The following MCTP2 variants were observed in gnomAD, a reference collection of about 807,000 sequenced individuals.
MCTP2 encodes multiple C2 and transmembrane domain containing 2, also known as multiple C2 and transmembrane domain-containing protein 2.
Under a neutral mutation model 111.6 loss-of-function variants are expected in MCTP2, and 132 were observed. That is an observed-to-expected ratio of 1.18 (90% CI 1.03 to 1.37). MCTP2 has a LOEUF of 1.37. Among genes scored for constraint, MCTP2 ranks in the 40% most tolerant of loss-of-function variants. MCTP2 has a pLI of 0.00. For missense variants in MCTP2, 1,183 were observed against 1,067.9 expected (o/e 1.11, Z -1.50); for synonymous variants, 395 against 387.7 (o/e 1.02, Z -0.22).
chr15:94,270,666 C>T (rs879570458), intron 1 of MCTP2, among the ~76,000 whole-genome samples: 1 of 152,178 alleles, frequency 6.6e-6, no homozygotes, highest in Non-Finnish European at 1.5e-5. Context: ...CTTGCTCTTT[C>T]TGCTATGTGA....
At chr15:94,390,098 A>ATATATATG (rs1567603090) in intron 14 of MCTP2, among the ~76,000 whole-genome samples, 15 of 34,394 alleles carry the variant, frequency 4.4e-4, no homozygotes, top group African/African-American at 1.8e-3. Flanking sequence ...ATGTATATAT[A>ATATATATG]TATATATATA....
intron 8 of MCTP2, among the ~76,000 whole-genome samples, chr15:94,352,886 A>C (rs1213567016): frequency 6.6e-6 from 1 of 152,228 alleles, no homozygotes; most frequent in African/African-American, 2.4e-5. Context: ...GGCCTCATCA[A>C]ACCTATCAAG....
chr15:94,461,422 C>T (rs2085199232), intron 20 of MCTP2, among the ~76,000 whole-genome samples: 1 of 152,106 alleles, frequency 6.6e-6, no homozygotes, highest in Non-Finnish European at 1.5e-5. Context: ...ATGGCACCAC[C>T]ACACTACAGC....
chr15:94,271,569 G>A (rs755807957), intron 1 of MCTP2, among the ~76,000 whole-genome samples: 29 of 152,146 alleles, frequency 1.9e-4, no homozygotes, highest in Non-Finnish European at 3.8e-4. Context: ...AGGAGCTGGG[G>A]ACATGCTTTG....
chr15:94,369,023 G>T (rs1422645457), intron 11 of MCTP2, among the ~76,000 whole-genome samples: 2 of 152,256 alleles, frequency 1.3e-5, no homozygotes, highest in Non-Finnish European at 2.9e-5. Context: ...CCCTGGATTT[G>T]TTTTTTAAGT....
At chr15:94,437,180 A>T (rs909478009) in intron 17 of MCTP2, among the ~76,000 whole-genome samples, 8 of 124,416 alleles carry the variant, frequency 6.4e-5, no homozygotes, top group Admixed American at 7.7e-5. Context: ...AAAAAAAAAG[A>T]GGTTTAGCAC....
chr15:94,467,208 T>G (rs1170147642), intron 20 of MCTP2, among the ~76,000 whole-genome samples: 1 of 152,172 alleles, frequency 6.6e-6, no homozygotes, highest in Admixed American at 6.5e-5. Context: ...TAACAAAAGT[T>G]GCACAGGAGC....
chr15:94,367,064 G>C (rs888401458), intron 10 of MCTP2, among the ~76,000 whole-genome samples: 1 of 152,180 alleles, frequency 6.6e-6, no homozygotes, highest in Non-Finnish European at 1.5e-5. Flanking sequence ...CTGTGGCACT[G>C]TGCCTATTAG....
At chr15:94,243,485 A>G (rs1232087406) in intron 1 of MCTP2, among the ~76,000 whole-genome samples, 2 of 148,840 alleles carry the variant, frequency 1.3e-5, no homozygotes, top group East Asian at 2.0e-4. Context: ...ATGTACACAC[A>G]TACGTATGCG....
chr15:94,392,119 C>T (rs1248936143), intron 14 of MCTP2, among the ~76,000 whole-genome samples: 3 of 152,100 alleles, frequency 2.0e-5, no homozygotes, highest in African/African-American at 7.2e-5. Context: ...TGCCTGTAAT[C>T]CCAGCACTTT....
intron 19 of MCTP2, among the ~76,000 whole-genome samples, chr15:94,446,798 G>C (rs771134619): frequency 2.6e-5 from 4 of 152,214 alleles, no homozygotes; most frequent in Non-Finnish European, 5.9e-5. Context: ...GTCAGAAACA[G>C]GACTTGAATG....
chr15:94,415,145 G>A (rs577034635), intron 17 of MCTP2, among the ~76,000 whole-genome samples: 4 of 152,216 alleles, frequency 2.6e-5, no homozygotes, highest in African/African-American at 9.6e-5. Context: ...TATTGTCTGG[G>A]AGGTCGCAGA....
chr15:94,462,013 G>C (rs937128022), intron 20 of MCTP2, among the ~76,000 whole-genome samples: 3 of 152,226 alleles, frequency 2.0e-5, no homozygotes, highest in African/African-American at 4.8e-5. Context: ...AAAGCCTTTA[G>C]TAGAAGACAG....
chr15:94,327,917 A>G (rs2076953319), intron 4 of MCTP2, among the ~76,000 whole-genome samples: 1 of 152,160 alleles, frequency 6.6e-6, no homozygotes, highest in South Asian at 2.1e-4. Flanking sequence ...GCTGCTTTAT[A>G]GAGTCAGTTT....
At chr15:94,415,987 A>G (rs17549295) in intron 17 of MCTP2, among the ~76,000 whole-genome samples, 14,655 of 152,152 alleles carry the variant, frequency 0.096, 869 homozygotes, top group Non-Finnish European at 0.12. Flanking sequence ...TCTGTTTGTG[A>G]AGAGCATAAT....
chr15:94,303,103 A>ATATATATATAGTT (rs1555448642), intron 2 of MCTP2, among the ~76,000 whole-genome samples: 9 of 20,016 alleles, frequency 4.5e-4, no homozygotes, highest in Non-Finnish European at 8.1e-4. Context: ...TATATAGTTT[A>ATATATATATAGTT]TATATATATA....
chr15:94,373,807 T>C (rs1022317970), intron 12 of MCTP2, among the ~76,000 whole-genome samples: 2 of 152,226 alleles, frequency 1.3e-5, no homozygotes, highest in African/African-American at 2.4e-5. Flanking sequence ...ACAAATTCCT[T>C]AGGCCCAGTG....
rs935726239 is a variant in MCTP2, at chr15:94,404,589, G to A, written c.2085+2570G>A. On this transcript the variant is annotated intron_variant, in intron 17 of 22. Transcript: ENST00000357742. ...GCTAGGATTACAGGCTTGAGCCACC[G>A]CACCTGGCCTCCGTTTCATCTTCTT... Among the ~76,000 whole-genome samples the A allele has an allele frequency of 8.5e-5, 13 of 152,190 alleles. No homozygotes were observed. The East Asian group carries it at 1.4e-3, about 16-fold the overall frequency.
intron 1 of MCTP2, among the ~76,000 whole-genome samples, chr15:94,270,492 T>C (rs1436735857): frequency 6.6e-6 from 1 of 152,156 alleles, no homozygotes; most frequent in African/African-American, 2.4e-5. Flanking sequence ...GTCCACAGAC[T>C]GGCCTACATG....
Sources: allele counts gnomAD v4.1 joint callset (sites outside exome capture counted in the v4.1 genomes callset), GRCh38; gene constraint gnomAD v4.1.1; transcripts MANE v1.5; gene names NCBI Gene and HGNC (gene_info 2026-07-23, HGNC 2026-07-21).